Variants in NALCN observed in about 807,000 individuals in gnomAD.
The protein encoded by NALCN is sodium leak channel NALCN.
A neutral mutation model predicts 225.3 loss-of-function variants in NALCN; 111 were observed. That is an observed-to-expected ratio of 0.49 (90% CI 0.42 to 0.58). NALCN has a LOEUF of 0.58. Among genes scored for constraint, NALCN ranks in the 20% least tolerant of loss-of-function variants. NALCN has a pLI of 0.00. For missense variants in NALCN, 1,378 were observed against 2,202.4 expected, an observed-to-expected ratio of 0.63 and a Z score of 7.49; for synonymous variants, 764 against 769.0, an observed-to-expected ratio of 0.99 and a Z score of 0.11.
intron 20 of NALCN, 85 bp from the exon 21 acceptor site, chr13:101,107,874 T>C (rs1001677552): frequency 2.4e-6 from 2 of 834,612 alleles, no homozygotes; most frequent in Non-Finnish European, 3.6e-6. Context: ...TTAAAACTAA[T>C]ATCTCCCTCA....
At chr13:101,215,803 C>T (rs759385513) in intron 13 of NALCN, among the ~76,000 whole-genome samples, 2 of 152,042 alleles carry the variant, frequency 1.3e-5, no homozygotes, top group Non-Finnish European at 2.9e-5. Flanking sequence ...GTGCTGCACC[C>T]GTTAACTCAT....
chr13:101,199,662 G>A (rs1043437037), intron 13 of NALCN, among the ~76,000 whole-genome samples: 2 of 107,030 alleles, frequency 1.9e-5, no homozygotes, highest in Non-Finnish European at 3.6e-5. Context: ...GGTGGGGGGA[G>A]GGGGGAGGGA....
chr13:101,083,843 A>T, intron 30 of NALCN, 39 bp from the exon 31 acceptor site: 1 of 1,592,466 alleles, frequency 6.3e-7, no homozygotes, highest in Non-Finnish European at 8.6e-7. Context: ...GCCTTTTGTC[A>T]TGTGCTTGCA....
At chr13:101,135,486 C>T (rs1204354796) in intron 17 of NALCN, among the ~76,000 whole-genome samples, 2 of 152,162 alleles carry the variant, frequency 1.3e-5, no homozygotes, top group African/African-American at 4.8e-5. Flanking sequence ...GCAACCTCCG[C>T]CCCCTGGGCT....
At chr13:101,079,518 C>A (rs1304290372) in intron 34 of NALCN, among the ~76,000 whole-genome samples, 1 of 152,172 alleles carries the variant, frequency 6.6e-6, no homozygotes, top group Non-Finnish European at 1.5e-5. Flanking sequence ...GGGATGTCTT[C>A]CAAGACCTCT....
chr13:101,158,590 G>A (rs987697508), intron 15 of NALCN, among the ~76,000 whole-genome samples: 3 of 152,200 alleles, frequency 2.0e-5, no homozygotes, highest in African/African-American at 7.2e-5. Flanking sequence ...TCTATGTCAC[G>A]CAAGGGCAGG....
intron 26 of NALCN, among the ~76,000 whole-genome samples, chr13:101,102,824 T>C (rs1232574827): frequency 2.0e-5 from 3 of 152,220 alleles, no homozygotes. Flanking sequence ...ATCCCATTTG[T>C]GGAGTACACA....
At chr13:101,057,872 A>G in intron 43 of NALCN, 67 bp downstream of exon 43, 1 of 1,291,882 alleles carries the variant, frequency 7.7e-7, no homozygotes, top group Non-Finnish European at 1.1e-6. Flanking sequence ...CAAGACCCAA[A>G]ACACACAAAC....
Position 101,150,494 on chromosome 13 carries a change from C to T in NALCN, c.1840-5598G>A, listed in dbSNP as rs141367589. Among the ~76,000 whole-genome samples, 1,436 of 152,230 alleles carry T rather than the reference C, an allele frequency of 9.4e-3. 18 individuals are homozygous for T. The highest frequency in any genetic ancestry group is 0.028 in the African/African-American group (1,164 of 41,528). On this transcript the variant is annotated intron_variant, in intron 15 of 43. Transcript: ENST00000251127. ...CGTCTTTCCCAACCCATGATTTTGA[C>T]CAAGCTACAGACACAGAAAAAGGAA... is the stretch of plus-strand genomic sequence containing the variant.
chr13:101,094,572 T>C (rs2034405191), intron 28 of NALCN, among the ~76,000 whole-genome samples: 1 of 152,134 alleles, frequency 6.6e-6, no homozygotes, highest in Non-Finnish European at 1.5e-5. Flanking sequence ...GGACGGCTTT[T>C]CTAGTCAGCA....
chr13:101,319,927 T>C (rs971589879), intron 7 of NALCN, among the ~76,000 whole-genome samples: 2 of 152,334 alleles, frequency 1.3e-5, no homozygotes, highest in East Asian at 1.9e-4. Flanking sequence ...GATTTTTAAA[T>C]AGGTCTTTTT....
At chr13:101,224,942 T>C (rs1386348384) in intron 13 of NALCN, among the ~76,000 whole-genome samples, 1 of 152,140 alleles carries the variant, frequency 6.6e-6, no homozygotes, top group Non-Finnish European at 1.5e-5. Flanking sequence ...ACCATCAAAG[T>C]AGCCACGTTG....
intron 37 of NALCN, among the ~76,000 whole-genome samples, chr13:101,069,696 C>G (rs1174949977): frequency 6.6e-6 from 1 of 152,198 alleles, no homozygotes; most frequent in Non-Finnish European, 1.5e-5. Context: ...GGAGTCAACC[C>G]TCTCAAACCC....
At chr13:101,271,617 ATG>A (rs1019053184) in intron 10 of NALCN, among the ~76,000 whole-genome samples, 3 of 151,202 alleles carry the variant, frequency 2.0e-5, no homozygotes, top group Non-Finnish European at 3.0e-5. Context: ...GTGTGAGTGT[ATG>A]TGTGTGTGTG....
intron 15 of NALCN, among the ~76,000 whole-genome samples, chr13:101,148,054 G>T (rs527978882): frequency 1.3e-5 from 2 of 152,212 alleles, no homozygotes; most frequent in African/African-American, 4.8e-5. Flanking sequence ...ATTGCTGTTT[G>T]TGTGGCTCAA....
At chr13:101,119,591 A>AT (rs1303038513) in intron 18 of NALCN, among the ~76,000 whole-genome samples, 1 of 152,180 alleles carries the variant, frequency 6.6e-6, no homozygotes, top group Non-Finnish European at 1.5e-5. Context: ...ACGATAATGC[A>AT]TTTTTTGCTC....
chr13:101,073,726 G>C lies in NALCN; in HGVS notation c.4104-49C>G, dbSNP rs772110053. The C allele has an allele frequency of 6.0e-6, 9 of 1,505,046 alleles. No individual in the cohort carries two copies. In the African/African-American group the frequency reaches 1.1e-4, roughly 18 times the overall value. The allele number at this position is 1,505,046 out of a possible 1,614,324, so 93.2% of individuals were successfully genotyped here. On this transcript the variant is annotated intron_variant, in intron 36 of 43. Transcript: ENST00000251127. ...CAGAATGTGAATTATAGAAGGGTTTGTCATGAAATAGCATGGTTTGCCAAC... is the reference window on the plus strand; with the variant it reads ...CAGAATGTGAATTATAGAAGGGTTTCTCATGAAATAGCATGGTTTGCCAAC...
intron 11 of NALCN, among the ~76,000 whole-genome samples, chr13:101,247,788 A>C (rs1194966416): frequency 6.6e-6 from 1 of 152,028 alleles, no homozygotes; most frequent in African/African-American, 2.4e-5. Context: ...TTAGCTATTT[A>C]TCCTGATGCT....
At chr13:101,148,039 A>G (rs1277757875) in intron 15 of NALCN, among the ~76,000 whole-genome samples, 2 of 152,164 alleles carry the variant, frequency 1.3e-5, no homozygotes, top group Non-Finnish European at 2.9e-5. Context: ...GATGAATCCT[A>G]TAATATTGCT....
Sources: gnomAD v4.1 joint callset for allele counts (sites outside exome capture counted in the v4.1 genomes callset) on GRCh38, gnomAD v4.1.1 for gene constraint, MANE v1.5 for transcripts, NCBI Gene and HGNC (gene_info 2026-07-23, HGNC 2026-07-21) for gene names.